Variants in SPIDR observed in about 807,000 individuals in gnomAD.
SPIDR encodes the protein DNA repair-scaffolding protein.
In SPIDR, 93 loss-of-function variants were observed where a neutral mutation model predicts 104.6. The observed-to-expected ratio is 0.89, with a 90% confidence interval of 0.75 to 1.06. The LOEUF is 1.06. Ranked by LOEUF, SPIDR falls within the 50% of genes least tolerant of loss-of-function variation. The pLI, the probability that SPIDR is intolerant of heterozygous loss-of-function variation, is 0.00. For synonymous variants in SPIDR, 431 were observed against 416.9 expected (o/e 1.03, Z -0.41); for missense variants, 1,154 against 1,111.2 (o/e 1.04, Z -0.55).
At chr8:47,343,345 C>G (rs1438169206) in intron 5 of SPIDR, among the ~76,000 whole-genome samples, 2 of 152,164 alleles carry the variant, frequency 1.3e-5, no homozygotes, top group Non-Finnish European at 2.9e-5. Flanking sequence ...TTCCCAGTAC[C>G]TAGCATAGAG....
intron 5 of SPIDR, among the ~76,000 whole-genome samples, chr8:47,379,939 C>G (rs1231633271): frequency 6.6e-6 from 1 of 152,166 alleles, no homozygotes; most frequent in Non-Finnish European, 1.5e-5. Context: ...TGGCTTGATT[C>G]CTCTGAAATT....
rs549359982 is a variant in SPIDR, at chr8:47,442,704, T to A, written c.1097+2162T>A. Among the ~76,000 whole-genome samples the A allele has an allele frequency of 2.0e-5, 3 of 152,314 alleles. No homozygotes were observed. The East Asian group carries it at 5.8e-4, about 29-fold the overall frequency. On this transcript the variant is annotated intron_variant, in intron 8 of 19. Transcript: ENST00000297423. Reference sequence around the variant, plus strand: ...TCTAAGTTCATTTGTGGTGGCAGAGTCTTTTATTGTTATTATTTTTTAAAA... The same window carrying A: ...TCTAAGTTCATTTGTGGTGGCAGAGACTTTTATTGTTATTATTTTTTAAAA...
intron 2 of SPIDR, among the ~76,000 whole-genome samples, chr8:47,283,257 G>C (rs968977394): frequency 2.0e-5 from 3 of 152,156 alleles, no homozygotes; most frequent in Non-Finnish European, 2.9e-5. Context: ...TTTTAATATT[G>C]GTGTGTTGCA....
At position 47,293,968 on chromosome 8, in the gene SPIDR, T is replaced by C; in HGVS notation, c.463T>C (p.Cys155Arg). Reference protein sequence around the residue: ...DDEGAVEISDCASCASNQSLT... With the variant: ...DDEGAVEISDRASCASNQSLT... ...CGAGGGTGCTGTGGAAATCTCAGAC[T>C]GTGCTTCTTGTGCAAGTAATCAGTC... The change falls in exon 5 of 20, where the codon TGT (cysteine) becomes CGT (arginine). Residue 155 changes from cysteine (C) to arginine (R), a missense_variant. By Grantham distance (180) the Cys-to-Arg change is radical (BLOSUM62 -3). Transcript: ENST00000297423. 1 of 1,614,192 alleles carries C rather than the reference T, an allele frequency of 6.2e-7. No homozygotes were observed. Among genetic ancestry groups the C allele is most frequent in the Non-Finnish European group, 8.5e-7 (1 of 1,180,024 alleles).
chr8:47,344,125 C>G (rs188468397), intron 5 of SPIDR, among the ~76,000 whole-genome samples: 1,641 of 141,190 alleles, frequency 0.012, 20 homozygotes, highest in Admixed American at 0.025. Context: ...CCCCTCCCCC[C>G]ACCCCACGAC....
intron 16 of SPIDR, among the ~76,000 whole-genome samples, chr8:47,718,308 T>A (rs997091562): frequency 3.9e-5 from 6 of 152,216 alleles, no homozygotes; most frequent in African/African-American, 1.4e-4. Context: ...AGAAGCAAGA[T>A]TTCTAAACAG....
intron 5 of SPIDR, among the ~76,000 whole-genome samples, chr8:47,349,478 T>C (rs1445904080): frequency 2.6e-5 from 4 of 152,210 alleles, no homozygotes; most frequent in Non-Finnish European, 1.5e-5. Context: ...AACTCCATTC[T>C]AGGAGAACCA....
chr8:47,449,530 G>C (rs2071310626), intron 8 of SPIDR, among the ~76,000 whole-genome samples: 1 of 152,122 alleles, frequency 6.6e-6, no homozygotes. Flanking sequence ...TAAATTGCTG[G>C]CTCCTATTGA....
intron 5 of SPIDR, among the ~76,000 whole-genome samples, chr8:47,319,555 G>C (rs925443834): frequency 2.0e-5 from 3 of 152,100 alleles, no homozygotes; most frequent in African/African-American, 7.2e-5. Context: ...AAGTTAACAA[G>C]GATATCCAGG....
chr8:47,706,471 T>G (rs2081103086), intron 14 of SPIDR, among the ~76,000 whole-genome samples: 2 of 152,182 alleles, frequency 1.3e-5, no homozygotes, highest in African/African-American at 4.8e-5. Flanking sequence ...CAGCCACGTG[T>G]GCACTCTGTG....
chr8:47,295,583 A>C (rs2040696576), intron 5 of SPIDR, among the ~76,000 whole-genome samples: 1 of 152,112 alleles, frequency 6.6e-6, no homozygotes, highest in African/African-American at 2.4e-5. Context: ...GGCTTATCTG[A>C]GTTAACGTAA....
intron 10 of SPIDR, among the ~76,000 whole-genome samples, chr8:47,633,760 A>G (rs143585164): frequency 6.6e-6 from 1 of 152,240 alleles, no homozygotes; most frequent in Non-Finnish European, 1.5e-5. Context: ...ACAGGGCAGT[A>G]TTATGGCTTG....
intron 8 of SPIDR, among the ~76,000 whole-genome samples, chr8:47,555,180 T>A (rs1324008494): frequency 1.3e-5 from 2 of 152,210 alleles, no homozygotes; most frequent in East Asian, 3.8e-4. Flanking sequence ...AGGGTAGATT[T>A]TAGAAGCTGT....
intron 1 of SPIDR, 41 bp from the exon 2 acceptor site, chr8:47,279,821 T>C (rs1054135764): frequency 1.8e-4 from 288 of 1,569,658 alleles, no homozygotes; most frequent in Admixed American, 2.6e-4. Context: ...GTTGATTTTG[T>C]TTTTTTGTTT....
intron 16 of SPIDR, among the ~76,000 whole-genome samples, chr8:47,726,543 C>T (rs1407423559): frequency 6.6e-6 from 1 of 152,246 alleles, no homozygotes; most frequent in Non-Finnish European, 1.5e-5. Context: ...CACTGACCAA[C>T]TGTGCTCACC....
chr8:47,639,648 A>T (rs891635423), intron 10 of SPIDR, among the ~76,000 whole-genome samples: 1 of 152,146 alleles, frequency 6.6e-6, no homozygotes, highest in Non-Finnish European at 1.5e-5. Context: ...ATCCAACTTA[A>T]ACAGAAGGAG....
intron 10 of SPIDR, among the ~76,000 whole-genome samples, chr8:47,661,162 T>C (rs2074048533): frequency 6.6e-6 from 1 of 152,252 alleles, no homozygotes; most frequent in African/African-American, 2.4e-5. Context: ...TGACGGACTG[T>C]TATTCCAAGA....
At chr8:47,624,753 C>T (rs1198534137) in intron 10 of SPIDR, among the ~76,000 whole-genome samples, 2 of 152,098 alleles carry the variant, frequency 1.3e-5, no homozygotes, top group Non-Finnish European at 2.9e-5. Flanking sequence ...CAATACCTTA[C>T]CAACCAAAAA....
At position 47,515,833 on chromosome 8, in the gene SPIDR, C is replaced by T. The variant is rs148910306; in HGVS notation, c.1097+75291C>T. ...AAATGCCTTTTTTTCCTTTTTGAGA[C>T]GGAGTCTCGCTCTGTCACCCAGGCT... On this transcript the variant is annotated intron_variant, in intron 8 of 19. Transcript: ENST00000297423. Among the ~76,000 whole-genome samples the T allele has an allele frequency of 7.5e-4, 114 of 152,266 alleles. No homozygotes were observed. In the East Asian group the frequency reaches 0.021, roughly 28 times the overall value.
Sources: allele counts gnomAD v4.1 joint callset (sites outside exome capture counted in the v4.1 genomes callset), GRCh38; gene constraint gnomAD v4.1.1; transcripts MANE v1.5; gene names NCBI Gene and HGNC (gene_info 2026-07-23, HGNC 2026-07-21).